Variants in ST18 observed in about 807,000 individuals in gnomAD.
ST18 encodes the protein suppression of tumorigenicity 18 protein.
A neutral mutation model predicts 110.0 loss-of-function variants in ST18; 50 were observed. The ratio of observed to expected loss-of-function variants is 0.45; its 90% CI spans 0.36 to 0.58. ST18 has a LOEUF of 0.58. ST18 is among the 20% of genes least tolerant of loss of function. The probability of loss-of-function intolerance (pLI) is 0.00; values close to 1 mark genes in which losing one functional copy is unlikely to be tolerated. For missense variants in ST18, 1,306 were observed against 1,280.1 expected (o/e 1.02, Z -0.31); for synonymous variants, 461 against 452.4 (o/e 1.02, Z -0.24).
chr8:52,214,231 C>T lies in ST18; in HGVS notation c.27G>A (p.Thr9=), dbSNP rs541086325. ...CGGTTCCTTTAGAGCGAGTACGCAG[C>T]GTTTTATCTTCAGCCTCTGCATCCA... MDAEAEDK[T]LRTRSKGTEV... The change falls in exon 7 of 26, where the codon ACG becomes ACA. Residue 9 remains threonine (T), a synonymous_variant. Coordinates refer to ENST00000689386, the MANE Select transcript of ST18 (RefSeq NM_001352837.2). 11 of 1,614,052 alleles carry T rather than the reference C, an allele frequency of 6.8e-6. No homozygotes were observed. In the East Asian group the frequency reaches 1.1e-4, roughly 16 times the overall value.
intron 2 of ST18, among the ~76,000 whole-genome samples, chr8:52,367,234 T>TCACACACACA (rs1491543543): frequency 0.029 from 2,996 of 104,392 alleles, 76 homozygotes; most frequent in South Asian, 0.043. Flanking sequence ...CGGGACCCTG[T>TCACACACACA]CTCACACACA....
chr8:52,215,157 G>A (rs1306180048), intron 6 of ST18, among the ~76,000 whole-genome samples: 1 of 152,144 alleles, frequency 6.6e-6, no homozygotes, highest in Admixed American at 6.5e-5. Context: ...GCTCTGATGT[G>A]GTGTGACTGC....
chr8:52,129,710 C>A (rs1009220588), intron 22 of ST18, among the ~76,000 whole-genome samples: 2 of 152,046 alleles, frequency 1.3e-5, no homozygotes, highest in African/African-American at 4.8e-5. Context: ...ATCTGAATTA[C>A]CTTTGTCTAA....
At chr8:52,226,538 T>A (rs1419831878) in intron 3 of ST18, among the ~76,000 whole-genome samples, 1 of 152,224 alleles carries the variant, frequency 6.6e-6, no homozygotes, top group Non-Finnish European at 1.5e-5. Context: ...CAATCAGGTA[T>A]GAAGCCCCAC....
chr8:52,279,285 A>T lies in ST18; in HGVS notation c.-464-49208T>A, dbSNP rs574620430. Among the ~76,000 whole-genome samples, 242 of 152,256 alleles carry T rather than the reference A, an allele frequency of 1.6e-3. 2 individuals are homozygous for T. The highest frequency in any genetic ancestry group is 5.6e-3 in the African/African-American group (231 of 41,558). On this transcript the variant is annotated intron_variant, in intron 2 of 25. Coordinates refer to ENST00000689386, the MANE Select transcript of ST18 (RefSeq NM_001352837.2). ...TAAAAAATATAACAAATAAAATAAG[A>T]ACCTTGGTATGTGTACCTAACAGCG... is the stretch of plus-strand genomic sequence containing the variant.
chr8:52,217,123 T>C (rs1010459282), intron 6 of ST18, among the ~76,000 whole-genome samples: 38 of 152,326 alleles, frequency 2.5e-4, no homozygotes, highest in African/African-American at 8.2e-4. Context: ...CTTGCAATTA[T>C]GTCTGTAAAA....
intron 10 of ST18, among the ~76,000 whole-genome samples, chr8:52,170,279 A>T (rs1332813471): frequency 6.6e-6 from 1 of 152,160 alleles, no homozygotes; most frequent in Non-Finnish European, 1.5e-5. Flanking sequence ...AACACGGGGA[A>T]ACCCCGTCTC....
intron 2 of ST18, among the ~76,000 whole-genome samples, chr8:52,257,020 C>T (rs1165857014): frequency 6.6e-6 from 1 of 152,102 alleles, no homozygotes; most frequent in Non-Finnish European, 1.5e-5. Flanking sequence ...TGTAAATTTG[C>T]CAATTTTGGA....
At chr8:52,203,844 C>G (rs1353993450) in intron 8 of ST18, among the ~76,000 whole-genome samples, 1 of 152,116 alleles carries the variant, frequency 6.6e-6, no homozygotes, top group Non-Finnish European at 1.5e-5. Context: ...TCCAAAAGAG[C>G]CTTAGCAATT....
intron 2 of ST18, among the ~76,000 whole-genome samples, chr8:52,290,664 T>G (rs984219050): frequency 1.3e-5 from 2 of 152,108 alleles, no homozygotes; most frequent in Non-Finnish European, 2.9e-5. Context: ...ACGACCCTTC[T>G]GAGCCCTGCG....
intron 12 of ST18, among the ~76,000 whole-genome samples, chr8:52,164,899 TA>T (rs1427262844): frequency 6.6e-6 from 1 of 152,220 alleles, no homozygotes; most frequent in Non-Finnish European, 1.5e-5. Context: ...TCAAATATAA[TA>T]TTTTTTCATT....
chr8:52,131,273 C>G (rs911085462), intron 22 of ST18, among the ~76,000 whole-genome samples: 4 of 152,132 alleles, frequency 2.6e-5, no homozygotes, highest in Non-Finnish European at 1.5e-5. Flanking sequence ...AAGACAGGAC[C>G]CCCTGTAGGG....
At chr8:52,163,205 C>T (rs2133275590) in intron 13 of ST18, among the ~76,000 whole-genome samples, 2 of 152,214 alleles carry the variant, frequency 1.3e-5, no homozygotes, top group East Asian at 3.9e-4. Context: ...GATTTAAATG[C>T]CAATTTTGAC....
In ST18 at chr8:52,390,370, A is replaced by C. The variant is rs181073548; in HGVS notation, c.-465+18958T>G. Among the ~76,000 whole-genome samples the C allele has an allele frequency of 5.8e-3, 881 of 152,232 alleles. 6 individuals carry two copies. The highest frequency in any genetic ancestry group is 8.1e-3 in the Non-Finnish European group (549 of 68,026). ...TCTGTAAAAAAGTCCAAAGTGCACT[A>C]TTTACACGCACATCACTCTGTCTCT... On this transcript the variant is annotated intron_variant, in intron 2 of 25. Coordinates refer to ENST00000689386, the MANE Select transcript of ST18 (RefSeq NM_001352837.2).
At position 52,354,563 on chromosome 8, in the gene ST18, C is replaced by T. The variant is rs190540216; in HGVS notation, c.-465+54765G>A. ...GCAGGGGATACATAGTGTTTGAATT[C>T]GCAAGAGAAGTCTGGGATGGAGATA... On this transcript the variant is annotated intron_variant, in intron 2 of 25. Transcript: ENST00000689386. Among the ~76,000 whole-genome samples the T allele has an allele frequency of 2.8e-4, 42 of 152,250 alleles. 1 individual carries two copies. Among genetic ancestry groups the T allele is most frequent in the Non-Finnish European group, 3.4e-4 (23 of 68,030 alleles).
intron 17 of ST18, among the ~76,000 whole-genome samples, chr8:52,141,365 C>T (rs979569563): frequency 6.6e-6 from 1 of 152,072 alleles, no homozygotes; most frequent in Non-Finnish European, 1.5e-5. Context: ...CAGCACAGTG[C>T]ATATTATGCA....
intron 9 of ST18, among the ~76,000 whole-genome samples, chr8:52,179,086 C>T (rs904297982): frequency 5.9e-5 from 9 of 151,886 alleles, no homozygotes; most frequent in African/African-American, 2.2e-4. Flanking sequence ...TATTTTGATT[C>T]CTTTAAAATT....
Position 52,133,220 on chromosome 8 carries a change from G to C in ST18, c.2363+19C>G. ...CCGACAAGCTCATTTCCACATCTCA[G>C]AAATAAGATCAATCCTACCTTCTGT... On this transcript the variant is annotated intron_variant, in intron 20 of 25. Transcript: ENST00000689386. The C allele has an allele frequency of 6.2e-7, 1 of 1,614,134 alleles. No individual in the cohort carries two copies. The highest frequency in any genetic ancestry group is 1.1e-5 in the South Asian group (1 of 91,068).
intron 8 of ST18, among the ~76,000 whole-genome samples, chr8:52,208,170 T>C (rs1216741976): frequency 5.3e-5 from 8 of 152,226 alleles, no homozygotes; most frequent in African/African-American, 1.7e-4. Flanking sequence ...GAATATACAG[T>C]ATATTTAAAT....
Sources: gnomAD v4.1 joint callset for allele counts (sites outside exome capture counted in the v4.1 genomes callset) on GRCh38, gnomAD v4.1.1 for gene constraint, MANE v1.5 for transcripts, NCBI Gene and HGNC (gene_info 2026-07-23, HGNC 2026-07-21) for gene names.